The following DIXDC1 variants were observed in gnomAD, a reference collection of about 807,000 sequenced individuals.
The protein encoded by DIXDC1 is dixin.
A neutral mutation model predicts 103.1 loss-of-function variants in DIXDC1; 64 were observed. The observed-to-expected ratio is 0.62, with a 90% CI of 0.51 to 0.76. The LOEUF is 0.76. Among genes scored for constraint, DIXDC1 ranks in the 30% least tolerant of loss-of-function variants. The probability of loss-of-function intolerance (pLI) is 0.00; values close to 1 mark genes in which losing one functional copy is unlikely to be tolerated. For missense variants in DIXDC1, 759 were observed against 834.2 expected (o/e 0.91, Z 1.11); for synonymous variants, 266 against 298.5 (o/e 0.89, Z 1.12).
rs1555175628 is a variant in DIXDC1 at position 111,998,545 on chromosome 11, T to C, written c.1756+2399T>C. 6.6e-6 allele frequency among the ~76,000 whole-genome samples: 1 copy of C among 152,214 alleles called. No homozygotes were observed. The highest frequency in any genetic ancestry group is 1.5e-5 in the Non-Finnish European group (1 of 68,042). Reference sequence around the variant, plus strand: ...TGAGCTTCAGTACTATTTTTTATTTTTATTTTTATTTACTTTGAGACAGAG... The same window carrying C: ...TGAGCTTCAGTACTATTTTTTATTTCTATTTTTATTTACTTTGAGACAGAG... On this transcript the variant is annotated intron_variant, in intron 17 of 19. Coordinates refer to ENST00000440460, the MANE Select transcript of DIXDC1 (RefSeq NM_001037954.4). This position sits in a 1 kb window ranked among gnomAD's most constrained non-coding sequence, Gnocchi z 4.1.
chr11:111,984,321 G>A (rs781975290), intron 7 of DIXDC1, among the ~76,000 whole-genome samples: 1 of 152,126 alleles, frequency 6.6e-6, no homozygotes, highest in Non-Finnish European at 1.5e-5. Context: ...TGAGGCGGGT[G>A]GATTGCTTGA....
chr11:111,965,410 A>G (rs1280577705), intron 2 of DIXDC1, among the ~76,000 whole-genome samples: 2 of 152,242 alleles, frequency 1.3e-5, no homozygotes, highest in African/African-American at 4.8e-5. Context: ...CCAAATGCAC[A>G]TAATAGGTTC....
chr11:111,937,254 T>C (rs1966235117), upstream of DIXDC1: 5 of 1,260,030 alleles, frequency 4.0e-6, no homozygotes, highest in Admixed American at 1.3e-4. Flanking sequence ...CTCAACCTAG[T>C]GCGCGCCCAG....
At position 111,937,537 on chromosome 11, in the gene DIXDC1, T is replaced by A. The variant is rs782021968; in HGVS notation, c.38T>A (p.Val13Asp). 2.5e-6 allele frequency: 4 copies of A among 1,595,792 alleles called. No homozygotes were observed. The South Asian group carries it at 4.6e-5, about 18-fold the overall frequency. ...CTGACCCGAGGGAACTTACTGGACG[T>A]CCTGCAGGAGGGCTTCAATGAGGTA... ...ACLTRGNLLD[V>D]LQEGFNEQQL... Residue 13 changes from valine (V) to aspartate (D), a missense_variant, in exon 1 of 20, where the codon GTC becomes GAC. Coordinates refer to ENST00000440460, the MANE Select transcript of DIXDC1 (RefSeq NM_001037954.4).
intron 1 of DIXDC1, among the ~76,000 whole-genome samples, chr11:111,949,683 GCAGACCTGTT>G (rs761717528): frequency 6.6e-6 from 1 of 152,106 alleles, no homozygotes; most frequent in Non-Finnish European, 1.5e-5. Context: ...GTGGTCGTGG[GCAGACCTGTT>G]TCTCCAACAT....
chr11:111,937,123 G>T, upstream of DIXDC1: 1 of 656,362 alleles, frequency 1.5e-6, no homozygotes. Flanking sequence ...CCCGTGCTGC[G>T]GCCCGGGCGG....
At chr11:111,938,220 G>C (rs1555168458) in intron 1 of DIXDC1, among the ~76,000 whole-genome samples, 1 of 152,184 alleles carries the variant, frequency 6.6e-6, no homozygotes, top group African/African-American at 2.4e-5. Flanking sequence ...GGCTAGGGCC[G>C]ACAAGGGGTC....
intron 17 of DIXDC1, among the ~76,000 whole-genome samples, chr11:112,015,772 A>G (rs983947022): frequency 2.1e-5 from 3 of 141,518 alleles, no homozygotes; most frequent in Non-Finnish European, 4.6e-5. Context: ...ACTGCACTCC[A>G]GCCTGGGCGA....
chr11:111,954,917 C>A (rs587624824), intron 1 of DIXDC1, among the ~76,000 whole-genome samples: 2 of 151,980 alleles, frequency 1.3e-5, no homozygotes, highest in South Asian at 4.2e-4. Flanking sequence ...TATACACACA[C>A]AACACACCCC....
At position 111,938,572 on chromosome 11, in the gene DIXDC1, G is replaced by A. The variant is rs143964693; in HGVS notation, c.60+1013G>A. Among the ~76,000 whole-genome samples the A allele has an allele frequency of 2.6e-4, 40 of 152,266 alleles. No individual in the cohort carries two copies. In the East Asian group the frequency reaches 5.4e-3, roughly 21 times the overall value. ...AGCATTTGATAGGCAAGACTGAAGTGCCTTTGGCTCCCCCCACCCATTCCA... is the reference window on the plus strand; with the variant it reads ...AGCATTTGATAGGCAAGACTGAAGTACCTTTGGCTCCCCCCACCCATTCCA... On this transcript the variant is annotated intron_variant, in intron 1 of 19. Coordinates refer to ENST00000440460, the MANE Select transcript of DIXDC1 (RefSeq NM_001037954.4).
Position 111,974,089 on chromosome 11 carries a change from C to T in DIXDC1, c.383C>T (p.Pro128Leu). The T allele has an allele frequency of 6.2e-7, 1 of 1,614,028 alleles. No individual in the cohort carries two copies. Among genetic ancestry groups the T allele is most frequent in the East Asian group, 2.2e-5 (1 of 44,888 alleles). ...CTTGCCTTGGCAGCTCATTTCAAAC[C>T]TGGCTCCAGCAGGACGGTGAACCAA... is the stretch of plus-strand genomic sequence containing the variant. ...LVLALAAHFK[P>L]GSSRTVNQGR... Residue 128 changes from proline to leucine, a missense_variant, in exon 4 of 20, where the codon CCT becomes CTT. By Grantham distance (98) the Pro-to-Leu change is moderately conservative (BLOSUM62 -3). This residue lies in a region of DIXDC1 where 657 missense variants were observed against 727.5 expected (regional missense o/e 0.90). Coordinates refer to ENST00000440460, the MANE Select transcript of DIXDC1 (RefSeq NM_001037954.4).
At chr11:111,994,365 G>A (rs868958853) in intron 14 of DIXDC1, among the ~76,000 whole-genome samples, 16 of 151,904 alleles carry the variant, frequency 1.1e-4, no homozygotes, top group Middle Eastern at 3.2e-3. Context: ...TCCAGCCTGG[G>A]TGACAGATCA....
chr11:111,995,477 C>T lies in DIXDC1; in HGVS notation c.1602C>T (p.His534=). 1 of 1,613,994 alleles carries T rather than the reference C, an allele frequency of 6.2e-7. No individual in the cohort carries two copies. Among genetic ancestry groups the T allele is most frequent in the Non-Finnish European group, 8.5e-7 (1 of 1,179,906 alleles). The stretch of plus-strand genomic sequence containing the variant: ...GCTTCAGTGGCCACGATCCTCAGCA[C>T]CACACTATTGACAGCTTGGAGCAGG... ...RNSFSGHDPQ[H]HTIDSLEQGI... The change falls in exon 16 of 20, where the codon CAC becomes CAT. Residue 534 remains histidine, a synonymous_variant. Coordinates refer to ENST00000440460, the MANE Select transcript of DIXDC1 (RefSeq NM_001037954.4).
At chr11:111,962,003 A>G (rs1421824381) in intron 1 of DIXDC1, among the ~76,000 whole-genome samples, 2 of 152,144 alleles carry the variant, frequency 1.3e-5, no homozygotes, top group African/African-American at 4.8e-5. Flanking sequence ...GTACCCCGTC[A>G]TAGCTTTGTT....
At chr11:112,012,769 G>A (rs1861463200) in intron 17 of DIXDC1, among the ~76,000 whole-genome samples, 1 of 152,096 alleles carries the variant, frequency 6.6e-6, no homozygotes, top group Admixed American at 6.5e-5. Context: ...GGTGAGACAA[G>A]TTCTCCCTCA....
chr11:111,941,120 TAAA>T (rs1249917322), intron 1 of DIXDC1, among the ~76,000 whole-genome samples: 1 of 152,026 alleles, frequency 6.6e-6, no homozygotes, highest in Non-Finnish European at 1.5e-5. Context: ...ACCCATCTCT[TAAA>T]AAAAGAGACA....
upstream of DIXDC1, among the ~76,000 whole-genome samples, chr11:111,936,207 CT>C (rs1966181325): frequency 6.6e-6 from 1 of 152,240 alleles, no homozygotes; most frequent in African/African-American, 2.4e-5. Flanking sequence ...CCCTAATGCT[CT>C]GTAAACCCTT....
Position 111,977,534 on chromosome 11 carries a change from G to T in DIXDC1, c.656+2551G>T. ...GCTGCTGCACAGTCTGAGCGGCCGG[G>T]ACTGCGCGCTTCAGAGCCTGGAGCA... On this transcript the variant is annotated intron_variant, in intron 5 of 19. Coordinates refer to ENST00000440460, the MANE Select transcript of DIXDC1 (RefSeq NM_001037954.4). The surrounding 1 kb of genome is among the most constrained non-coding windows in gnomAD (Gnocchi z 6.1). The T allele has an allele frequency of 7.0e-7, 1 of 1,436,766 alleles. No individual in the cohort carries two copies. The highest frequency in any genetic ancestry group is 1.5e-5 in the African/African-American group (1 of 67,912). 89.0% of individuals were successfully genotyped at this position (1,436,766 alleles called of 1,614,324 possible). A position where few individuals can be genotyped will look rare whatever the true frequency, so the allele number is the denominator to read the frequency against.
intron 1 of DIXDC1, among the ~76,000 whole-genome samples, chr11:111,943,271 G>A (rs1555169039): frequency 2.0e-5 from 3 of 152,024 alleles, no homozygotes; most frequent in Non-Finnish European, 4.4e-5. Flanking sequence ...AGTCTCCCCA[G>A]TAGCTGGGAC....
Sources: gnomAD v4.1 joint callset for allele counts (sites outside exome capture counted in the v4.1 genomes callset) on GRCh38, gnomAD v4.1.1 for gene constraint, gnomAD v4.1.1 regional missense constraint, Gnocchi (gnomAD v3.1) non-coding constraint, MANE v1.5 for transcripts, NCBI Gene and HGNC (gene_info 2026-07-23, HGNC 2026-07-21) for gene names.